Variants in BCL2L11 observed in about 807,000 individuals in gnomAD.
The protein encoded by BCL2L11 is bcl-2-like protein 11.
BCL2L11 carries 15 observed loss-of-function variants against 20.6 expected under a neutral mutation model. That is an observed-to-expected ratio of 0.73 (90% CI 0.49 to 1.12). The LOEUF (loss-of-function observed/expected upper bound fraction) is 1.12, where lower values mean the gene tolerates loss of function less well. Ranked by LOEUF, BCL2L11 falls within the 50% of genes most tolerant of loss-of-function variation. The probability of loss-of-function intolerance (pLI) is 0.00; values close to 1 mark genes in which losing one functional copy is unlikely to be tolerated. For missense variants in BCL2L11, 292 were observed against 260.9 expected (o/e 1.12, Z -0.82); for synonymous variants, 108 against 92.8 (o/e 1.16, Z -0.94).
chr2:111,155,110 G>A (rs2077671439), intron 3 of BCL2L11, among the ~76,000 whole-genome samples: 1 of 152,216 alleles, frequency 6.6e-6, no homozygotes, highest in African/African-American at 2.4e-5. Context: ...GTGGCGAGTA[G>A]GGAGGCTATT....
At chr2:111,144,216 AG>A (rs1257167369) in intron 2 of BCL2L11, among the ~76,000 whole-genome samples, 1 of 152,254 alleles carries the variant, frequency 6.6e-6, no homozygotes, top group African/African-American at 2.4e-5. Flanking sequence ...AATGTGTTCC[AG>A]GGAGACAGAT....
At position 111,164,714 on chromosome 2, in the gene BCL2L11, G is replaced by C. The variant is rs2078943224; in HGVS notation, c.*483G>C. The stretch of plus-strand genomic sequence containing the variant: ...AAAAAGCTGCCTTAGTTTATTTTTA[G>C]AGATTACAGAATTTTTAAACAGGGA... On this transcript the variant is annotated 3_prime_UTR_variant, in exon 4 of 4. Transcript: ENST00000393256. 1 of 153,354 alleles carries C rather than the reference G, an allele frequency of 6.5e-6. No individual in the cohort carries two copies. The highest frequency in any genetic ancestry group is 1.5e-5 in the Non-Finnish European group (1 of 68,516). The allele number at this position is 153,354 out of a possible 1,614,324, so 9.5% of individuals were successfully genotyped here.
At chr2:111,147,457 A>C (rs1016058534) in intron 2 of BCL2L11, among the ~76,000 whole-genome samples, 27 of 151,978 alleles carry the variant, frequency 1.8e-4, no homozygotes, top group Non-Finnish European at 3.8e-4. Flanking sequence ...AGGCTAATTA[A>C]TGTTAACTAC....
At chr2:111,149,073 C>T (rs1271450551) in intron 2 of BCL2L11, among the ~76,000 whole-genome samples, 13 of 152,160 alleles carry the variant, frequency 8.5e-5, no homozygotes, top group Admixed American at 7.2e-4. Flanking sequence ...GTAAGTCACA[C>T]GTGAATAGCG....
At chr2:111,144,373 TG>T in intron 2 of BCL2L11, 2 of 1,120,518 alleles carry the variant, frequency 1.8e-6, no homozygotes, top group Non-Finnish European at 2.6e-6. Flanking sequence ...GTGTGTGTGT[TG>T]TTGGTTACTT....
At chr2:111,154,370 GAAAA>G (rs1266566617) in intron 3 of BCL2L11, among the ~76,000 whole-genome samples, 2 of 140,548 alleles carry the variant, frequency 1.4e-5, no homozygotes, top group Non-Finnish European at 3.1e-5. Context: ...AAAAAAAAAA[GAAAA>G]AATGTATTTT....
chr2:111,162,111 C>G (rs1339842698), intron 3 of BCL2L11, among the ~76,000 whole-genome samples: 2 of 152,196 alleles, frequency 1.3e-5, no homozygotes, highest in Non-Finnish European at 2.9e-5. Flanking sequence ...CTCCAGCTGT[C>G]TTTTGCAATA....
At chr2:111,146,086 T>TA (rs545079974) in intron 2 of BCL2L11, 75 of 959,492 alleles carry the variant, frequency 7.8e-5, no homozygotes, top group Non-Finnish European at 8.7e-5. Context: ...TATTGTGCTT[T>TA]AAAAAAAAAA....
At chr2:111,124,364 C>G (rs952826646) in intron 2 of BCL2L11, among the ~76,000 whole-genome samples, 1 of 151,372 alleles carries the variant, frequency 6.6e-6, no homozygotes, top group African/African-American at 2.4e-5. Flanking sequence ...AATCTCAGCT[C>G]ACCGCAAGCT....
At chr2:111,144,523 G>C (rs1477024190) in intron 2 of BCL2L11, 1 of 1,550,538 alleles carries the variant, frequency 6.4e-7, no homozygotes, top group South Asian at 1.2e-5. Context: ...TCACCCAGGT[G>C]AGTTTTATAA....
chr2:111,163,064 A>G (rs1344747417), intron 3 of BCL2L11: 2 of 152,402 alleles, frequency 1.3e-5, no homozygotes, highest in African/African-American at 4.8e-5. Flanking sequence ...CATTCTGTCA[A>G]ACAAGCGCGG....
chr2:111,159,271 C>T lies in BCL2L11; in HGVS notation c.499-4862C>T, dbSNP rs1575202127. 4.6e-5 allele frequency among the ~76,000 whole-genome samples: 7 copies of T among 152,386 alleles called. No individual in the cohort carries two copies. The South Asian group carries it at 1.4e-3, about 32-fold the overall frequency. On this transcript the variant is annotated intron_variant, in intron 3 of 3. Transcript: ENST00000393256. ...CAAGAGTACCCATCCTGTCCTGCCA[C>T]TGTCTTCAGCTGCACTTTGAGTCAC...
intron 1 of BCL2L11, chr2:111,123,087 G>C (rs2071536956): frequency 5.1e-6 from 5 of 970,932 alleles, no homozygotes; most frequent in Non-Finnish European, 6.1e-6. Flanking sequence ...GCACCTCACG[G>C]TGTGCACCTC....
In BCL2L11 at chr2:111,150,099, A is replaced by G; in HGVS notation, c.450A>G (p.Gln150=). The G allele has an allele frequency of 6.2e-7, 1 of 1,614,070 alleles. No individual in the cohort carries two copies. Among genetic ancestry groups the G allele is most frequent in the Non-Finnish European group, 8.5e-7 (1 of 1,179,946 alleles). Residue 150 remains glutamine, a synonymous_variant, in exon 3 of 4, where the codon CAA becomes CAG. Coordinates refer to ENST00000393256, the MANE Select transcript of BCL2L11 (RefSeq NM_138621.5). ...TGCGCCCAGAGATATGGATCGCCCA[A>G]GAGTTGCGGCGTATTGGAGACGAGT... ...ADMRPEIWIA[Q]ELRRIGDEFN...
intron 2 of BCL2L11, among the ~76,000 whole-genome samples, chr2:111,146,600 C>T (rs2076544193): frequency 6.6e-6 from 1 of 152,188 alleles, no homozygotes; most frequent in African/African-American, 2.4e-5. Flanking sequence ...AATAACAAAA[C>T]TTAATTCTCG....
intron 2 of BCL2L11, among the ~76,000 whole-genome samples, chr2:111,134,914 C>G (rs953898159): frequency 6.6e-6 from 1 of 152,172 alleles, no homozygotes; most frequent in African/African-American, 2.4e-5. Flanking sequence ...TGTGTCATTC[C>G]TATGTGGCTG....
chr2:111,133,685 A>T (rs890322895), intron 2 of BCL2L11, among the ~76,000 whole-genome samples: 1 of 152,170 alleles, frequency 6.6e-6, no homozygotes, highest in Non-Finnish European at 1.5e-5. Flanking sequence ...ACTTGAAAAC[A>T]TCTGTATTCT....
At chr2:111,140,703 T>C (rs1415766446) in intron 2 of BCL2L11, among the ~76,000 whole-genome samples, 1 of 152,238 alleles carries the variant, frequency 6.6e-6, no homozygotes, top group Middle Eastern at 3.2e-3. Flanking sequence ...TCTGAATAGA[T>C]ACAATGTTAG....
At chr2:111,158,091 T>C (rs1365103739) in intron 3 of BCL2L11, among the ~76,000 whole-genome samples, 1 of 152,232 alleles carries the variant, frequency 6.6e-6, no homozygotes, top group Non-Finnish European at 1.5e-5. Context: ...GAACCAGTGC[T>C]GAAATACCAG....
Sources: allele counts gnomAD v4.1 joint callset (sites outside exome capture counted in the v4.1 genomes callset), GRCh38; gene constraint gnomAD v4.1.1; transcripts MANE v1.5; gene names NCBI Gene and HGNC (gene_info 2026-07-23, HGNC 2026-07-21).